VAV1: variants seen among roughly 807,000 people sequenced by gnomAD.
The protein encoded by VAV1 is vav guanine nucleotide exchange factor 1.
A neutral mutation model predicts 128.1 loss-of-function variants in VAV1; 33 were observed. The observed-to-expected ratio is 0.26, with a 90% CI of 0.20 to 0.34. The LOEUF is 0.34. Ranked by LOEUF, VAV1 falls within the 10% of genes least tolerant of loss-of-function variation. VAV1 has a pLI of 1.00. For missense variants in VAV1, 715 were observed against 1,093.7 expected (o/e 0.65, Z 4.88); for synonymous variants, 394 against 409.8 (o/e 0.96, Z 0.47).
At chr19:6,849,196 C>G (rs926000630) in intron 23 of VAV1, among the ~76,000 whole-genome samples, 2 of 151,420 alleles carry the variant, frequency 1.3e-5, no homozygotes, top group Non-Finnish European at 2.9e-5. Flanking sequence ...ATCCCAACAC[C>G]CAGGGAGTGA....
In VAV1 at chr19:6,825,141, G is replaced by A; in HGVS notation, c.723+20G>A. 1 of 1,608,696 alleles carries A rather than the reference G, an allele frequency of 6.2e-7. No individual in the cohort carries two copies. Among genetic ancestry groups the A allele is most frequent in the Non-Finnish European group, 8.5e-7 (1 of 1,177,848 alleles). ...ATTGAGGTGAGCCGGCCGATCCCCAGCCCTCTTGGGTCTGTCTAGTGCGGA... is the reference window on the plus strand; with the variant it reads ...ATTGAGGTGAGCCGGCCGATCCCCAACCCTCTTGGGTCTGTCTAGTGCGGA... On this transcript the variant is annotated intron_variant, in intron 7 of 26. Transcript: ENST00000602142.
rs759660397 is a variant in VAV1 at position 6,837,101 on chromosome 19, C to T, written c.1980+51C>T. ...TAAGGGCAAGGGGTCCAGGGCGGGT[C>T]CTGGGAGGATGGACAGACTTGGAAA... On this transcript the variant is annotated intron_variant, in intron 21 of 26. Coordinates refer to ENST00000602142, the MANE Select transcript of VAV1 (RefSeq NM_005428.4). 8 of 1,592,542 alleles carry T rather than the reference C, an allele frequency of 5.0e-6. No individual in the cohort carries two copies. In the Admixed American group the frequency reaches 1.0e-4, roughly 20 times the overall value.
intron 1 of VAV1, among the ~76,000 whole-genome samples, chr19:6,798,624 G>C (rs113592014): frequency 0.031 from 4,663 of 152,094 alleles, 243 homozygotes; most frequent in African/African-American, 0.11. Context: ...CTGCACTCCA[G>C]TCTGGGTGAC....
At chr19:6,805,542 G>C (rs1463717279) in intron 1 of VAV1, among the ~76,000 whole-genome samples, 1 of 149,128 alleles carries the variant, frequency 6.7e-6, no homozygotes, top group Admixed American at 6.8e-5. Flanking sequence ...AGGGGTTCGA[G>C]ACCAGCCTGG....
intron 9 of VAV1, among the ~76,000 whole-genome samples, chr19:6,827,259 GTTTGTTTTGT>G (rs533535715): frequency 6.6e-6 from 1 of 151,768 alleles, no homozygotes; most frequent in South Asian, 2.1e-4. Flanking sequence ...TTGTTTGTTT[GTTTGTTTTGT>G]TTTGTTTTGT....
intron 26 of VAV1, among the ~76,000 whole-genome samples, chr19:6,855,349 T>C (rs1024181611): frequency 6.6e-6 from 1 of 152,178 alleles, no homozygotes; most frequent in African/African-American, 2.4e-5. Flanking sequence ...TTTTGGAGCA[T>C]TGAGGAAGGA....
At chr19:6,814,473 T>G (rs1428546072) in intron 1 of VAV1, among the ~76,000 whole-genome samples, 1 of 152,150 alleles carries the variant, frequency 6.6e-6, no homozygotes, top group East Asian at 1.9e-4. Context: ...TTTTTGCTTA[T>G]GTACTGACAC....
chr19:6,782,616 C>T (rs2431518), intron 1 of VAV1, among the ~76,000 whole-genome samples: 33,017 of 152,078 alleles, frequency 0.22, 3,702 homozygotes, highest in African/African-American at 0.25. Context: ...CAATGGCTCA[C>T]GCCTATAATC....
At chr19:6,782,211 T>G (rs1015944810) in intron 1 of VAV1, among the ~76,000 whole-genome samples, 1 of 151,944 alleles carries the variant, frequency 6.6e-6, no homozygotes, top group South Asian at 2.1e-4. Context: ...GCACCTGTAA[T>G]CCCAGCTACT....
chr19:6,772,769 C>A lies in VAV1; in HGVS notation c.-39C>A. 1 of 1,595,868 alleles carries A rather than the reference C, an allele frequency of 6.3e-7. No homozygotes were observed. The highest frequency in any genetic ancestry group is 1.1e-5 in the South Asian group (1 of 89,202). On this transcript the variant is annotated 5_prime_UTR_variant, in exon 1 of 27. It adds an upstream start codon to the 5' untranslated region. Coordinates refer to ENST00000602142, the MANE Select transcript of VAV1 (RefSeq NM_005428.4). This position sits in a 1 kb window ranked among gnomAD's most constrained non-coding sequence, Gnocchi z 4.8. ...CGTGCGGGCGGGTGGGTGGTGGAGG[C>A]TGCGAGGGTGCACGGCCGGCCCTGG...
chr19:6,791,087 A>G (rs1971007326), intron 1 of VAV1, among the ~76,000 whole-genome samples: 1 of 152,148 alleles, frequency 6.6e-6, no homozygotes, highest in Admixed American at 6.5e-5. Context: ...TGTGTCTCTT[A>G]CAAGGACACT....
At chr19:6,785,649 CTTTCTTTCTTTCTT>C (rs1420000772) in intron 1 of VAV1, among the ~76,000 whole-genome samples, 2 of 132,482 alleles carry the variant, frequency 1.5e-5, no homozygotes, top group African/African-American at 6.1e-5. Context: ...AGGTTTCTTT[CTTTCTTTCTTTCTT>C]TTTTTTTTTT....
intron 25 of VAV1, 147 bp downstream of exon 25, chr19:6,853,226 C>A: frequency 3.2e-6 from 1 of 309,286 alleles, no homozygotes. Flanking sequence ...TCCTGTCTAT[C>A]CCTTCCTATA....
intron 1 of VAV1, among the ~76,000 whole-genome samples, chr19:6,773,285 C>T (rs546405984): frequency 1.1e-3 from 167 of 152,186 alleles, no homozygotes; most frequent in Non-Finnish European, 2.0e-3. Context: ...CTCTCAAGCC[C>T]CAGGCGCCTC....
intron 1 of VAV1, among the ~76,000 whole-genome samples, chr19:6,802,946 A>G (rs2144733933): frequency 6.6e-6 from 1 of 152,306 alleles, no homozygotes; most frequent in African/African-American, 2.4e-5. Flanking sequence ...AAAGGAGTTG[A>G]ACATTTATGT....
Position 6,821,775 on chromosome 19 carries a change from C to T in VAV1, c.381-16C>T, listed in dbSNP as rs576685106. The T allele has an allele frequency of 1.2e-6, 2 of 1,614,004 alleles. No individual in the cohort carries two copies. The highest frequency in any genetic ancestry group is 2.2e-5 in the South Asian group (2 of 91,078). ...CAGCCCCCAGGCCCCTGGCTCACAC[C>T]CTCCTGACCCCCCAGGCCCTTCCCC... is the stretch of plus-strand genomic sequence containing the variant. On this transcript the variant is annotated splice_polypyrimidine_tract_variant and intron_variant, in intron 3 of 26. Coordinates refer to ENST00000602142, the MANE Select transcript of VAV1 (RefSeq NM_005428.4).
chr19:6,834,586 A>G (rs893932219), intron 19 of VAV1, among the ~76,000 whole-genome samples: 1 of 146,340 alleles, frequency 6.8e-6, no homozygotes, highest in Non-Finnish European at 1.5e-5. Flanking sequence ...TATTAAATAT[A>G]TAATAATTTA....
chr19:6,838,884 A>G (rs1972297708), intron 21 of VAV1, among the ~76,000 whole-genome samples: 1 of 151,542 alleles, frequency 6.6e-6, no homozygotes, highest in Non-Finnish European at 1.5e-5. Flanking sequence ...GCAAGCCATT[A>G]TGCTCAGCTT....
intron 1 of VAV1, among the ~76,000 whole-genome samples, chr19:6,805,646 G>A (rs1971381120): frequency 1.3e-5 from 2 of 148,830 alleles, no homozygotes; most frequent in South Asian, 4.3e-4. Flanking sequence ...TGGGGGGATG[G>A]TTTCAGGATG....
Sources: allele counts gnomAD v4.1 joint callset (sites outside exome capture counted in the v4.1 genomes callset), GRCh38; gene constraint gnomAD v4.1.1; non-coding constraint Gnocchi (gnomAD v3.1); transcripts MANE v1.5; gene names NCBI Gene and HGNC (gene_info 2026-07-23, HGNC 2026-07-21).